Variants in TMEM62 observed in about 807,000 individuals in gnomAD.
TMEM62 encodes transmembrane protein 62.
In TMEM62, 41 loss-of-function variants were observed where a neutral mutation model predicts 70.4. The ratio of observed to expected loss-of-function variants is 0.58; its 90% CI spans 0.45 to 0.76. The LOEUF is 0.76. Ranked by LOEUF, TMEM62 falls within the 30% of genes least tolerant of loss-of-function variation. TMEM62 has a pLI of 0.00. For synonymous variants in TMEM62, 268 were observed against 291.0 expected, an observed-to-expected ratio of 0.92 and a Z score of 0.80; for missense variants, 688 against 788.5, an observed-to-expected ratio of 0.87 and a Z score of 1.53.
chr15:43,136,647 G>T (rs2035264325), intron 3 of TMEM62, among the ~76,000 whole-genome samples: 1 of 151,720 alleles, frequency 6.6e-6, no homozygotes, highest in Non-Finnish European at 1.5e-5. Context: ...GAAGAGGTGG[G>T]GTTTCACCAC....
intron 5 of TMEM62, 106 bp from the exon 6 acceptor site, chr15:43,148,649 A>C (rs529795776): frequency 7.4e-7 from 1 of 1,359,300 alleles, no homozygotes; most frequent in African/African-American, 1.5e-5. Flanking sequence ...AGGCCTAGAC[A>C]CATATAATAA....
rs1223005274 is a variant in TMEM62, at chr15:43,141,835, GT to G, written c.476+3218del. Among the ~76,000 whole-genome samples the G allele has an allele frequency of 9.5e-4, 145 of 152,310 alleles. 1 individual carries two copies. Among genetic ancestry groups the G allele is most frequent in the Non-Finnish European group, 1.9e-4 (13 of 68,014 alleles). On this transcript the variant is annotated intron_variant, in intron 4 of 13. Coordinates refer to ENST00000260403, the MANE Select transcript of TMEM62 (RefSeq NM_024956.4). ...CAACCCTCATGGATGACTTTGAGGG[GT>G]TCAAGACTTCAGTGGAGGAAGAACT...
Position 43,162,109 on chromosome 15 carries a change from A to G in TMEM62, c.1296+1315A>G, listed in dbSNP as rs539557972. Among the ~76,000 whole-genome samples, 9 of 151,984 alleles carry G rather than the reference A, an allele frequency of 5.9e-5. No individual in the cohort carries two copies. The South Asian group carries it at 1.3e-3, about 21-fold the overall frequency. ...TATATTATAACATATTAGCTGCATT[A>G]TATTGCCATAGATATGCCTTAATTT... On this transcript the variant is annotated intron_variant, in intron 10 of 13. Coordinates refer to ENST00000260403, the MANE Select transcript of TMEM62 (RefSeq NM_024956.4).
Position 43,181,508 on chromosome 15 carries a change from AT to A in TMEM62, c.1605+218del, listed in dbSNP as rs544665067. ...ACTCTCATGTAAACATCTAAAATAC[AT>A]TTTTTTTTCCCCAAGACAGTGTTCT... On this transcript the variant is annotated intron_variant, in intron 13 of 13. Transcript: ENST00000260403. Among the ~76,000 whole-genome samples, 497 of 151,694 alleles carry A rather than the reference AT, an allele frequency of 3.3e-3. 1 individual carries two copies. The highest frequency in any genetic ancestry group is 4.3e-3 in the Non-Finnish European group (294 of 67,868).
At chr15:43,165,771 AT>A (rs1235390792) in intron 10 of TMEM62, among the ~76,000 whole-genome samples, 1 of 151,756 alleles carries the variant, frequency 6.6e-6, no homozygotes, top group Non-Finnish European at 1.5e-5. Flanking sequence ...AAATAAATAA[AT>A]AAATAAATAA....
chr15:43,163,790 A>AC (rs11406648), intron 10 of TMEM62, among the ~76,000 whole-genome samples: 2 of 151,246 alleles, frequency 1.3e-5, no homozygotes, highest in African/African-American at 2.4e-5. Context: ...TCAAAAAAAA[A>AC]ACAAAAAACA....
intron 11 of TMEM62, among the ~76,000 whole-genome samples, chr15:43,175,892 C>T (rs551706971): frequency 5.3e-5 from 8 of 152,280 alleles, no homozygotes; most frequent in East Asian, 1.9e-4. Context: ...TTGCCTCACT[C>T]GGGAAGCGCA....
At chr15:43,158,248 T>A (rs1465643409) in intron 9 of TMEM62, among the ~76,000 whole-genome samples, 2 of 152,220 alleles carry the variant, frequency 1.3e-5, no homozygotes, top group African/African-American at 4.8e-5. Context: ...TAATATTTGG[T>A]TGTCTCTCTT....
chr15:43,142,684 T>C (rs1255607527), intron 4 of TMEM62, among the ~76,000 whole-genome samples: 3 of 151,846 alleles, frequency 2.0e-5, no homozygotes, highest in Non-Finnish European at 2.9e-5. Context: ...TTTGGTTTTT[T>C]TTTTGAGACA....
intron 4 of TMEM62, among the ~76,000 whole-genome samples, chr15:43,140,134 C>A (rs1212661388): frequency 6.6e-6 from 1 of 152,186 alleles, no homozygotes; most frequent in South Asian, 2.1e-4. Flanking sequence ...CTCTCCCCAC[C>A]CTTGCAGTCT....
chr15:43,149,179 C>T lies in TMEM62; in HGVS notation c.866+28C>T, dbSNP rs769116016. 24 of 1,608,130 alleles carry T rather than the reference C, an allele frequency of 1.5e-5. No homozygotes were observed. In the East Asian group the frequency reaches 4.7e-4, roughly 31 times the overall value. ...AAGGGAACCTCCCCATAGAAGAAAACTTATACACATAAGTTTTGCCAAAGC... is the reference window on the plus strand; with the variant it reads ...AAGGGAACCTCCCCATAGAAGAAAATTTATACACATAAGTTTTGCCAAAGC... On this transcript the variant is annotated intron_variant, in intron 7 of 13. Coordinates refer to ENST00000260403, the MANE Select transcript of TMEM62 (RefSeq NM_024956.4).
rs1049261841 is a variant in TMEM62, at chr15:43,169,597, G to A, written c.1301G>A (p.Arg434Gln). 1.3e-5 allele frequency: 21 copies of A among 1,613,572 alleles called. No homozygotes were observed. The highest frequency in any genetic ancestry group is 2.2e-5 in the East Asian group (1 of 44,876). Residue 434 changes from arginine (R) to glutamine (Q), a missense_variant, in exon 11 of 14, where the codon CGG (arginine) becomes CAG (glutamine). Physicochemically the swap from Arg to Gln is conservative, Grantham distance 43. Transcript: ENST00000260403. ...TTAACATCTATTTCCCTGCAGGCCCGGGTCCTTTTTGTGCTGATTGTGCTG... is the reference window on the plus strand; with the variant it reads ...TTAACATCTATTTCCCTGCAGGCCCAGGTCCTTTTTGTGCTGATTGTGCTG... ...ILRTDHYIMA[R>Q]VLFVLIVLSQ...
Position 43,154,719 on chromosome 15 carries a change from T to C in TMEM62, c.1070T>C (p.Ile357Thr), listed in dbSNP as rs1009785221. ...TCCATTACTTCTGTCACAGTTAAGATTGATGGAGTTCATTTAGGCCAGGCT... is the reference window on the plus strand; with the variant it reads ...TCCATTACTTCTGTCACAGTTAAGACTGATGGAGTTCATTTAGGCCAGGCT... ...LSSITSVTVK[I>T]DGVHLGQAVH... The change falls in exon 9 of 14, where the codon ATT becomes ACT. Residue 357 changes from isoleucine (I) to threonine (T), a missense_variant. By Grantham distance (89) the Ile-to-Thr change is moderately conservative. Coordinates refer to ENST00000260403, the MANE Select transcript of TMEM62 (RefSeq NM_024956.4). 5.6e-6 allele frequency: 9 copies of C among 1,613,780 alleles called. No homozygotes were observed. Among genetic ancestry groups the C allele is most frequent in the African/African-American group, 2.7e-5 (2 of 74,914 alleles).
At chr15:43,133,430 G>A (rs879638530), upstream of TMEM62, 45 of 206,864 alleles carry the variant, frequency 2.2e-4, no homozygotes, top group Middle Eastern at 1.7e-3. Context: ...CTGAGGTCAG[G>A]AGTGACTGAC....
chr15:43,168,960 A>T (rs1333836595), intron 10 of TMEM62: 1 of 152,320 alleles, frequency 6.6e-6, no homozygotes, highest in Non-Finnish European at 1.5e-5. Context: ...GGGTGCTGGC[A>T]GAATTCTGCC....
At chr15:43,166,379 C>G (rs2039415667) in intron 10 of TMEM62, among the ~76,000 whole-genome samples, 1 of 152,124 alleles carries the variant, frequency 6.6e-6, no homozygotes, top group South Asian at 2.1e-4. Flanking sequence ...AATCATACAG[C>G]AAACACCTAT....
At chr15:43,178,145 A>G (rs539250913) in intron 11 of TMEM62, among the ~76,000 whole-genome samples, 54 of 152,214 alleles carry the variant, frequency 3.5e-4, no homozygotes, top group Admixed American at 3.4e-3. Context: ...TGAAGTTTGT[A>G]CATTTGGACA....
intron 11 of TMEM62, among the ~76,000 whole-genome samples, chr15:43,171,541 A>T (rs1037804835): frequency 5.3e-5 from 8 of 150,774 alleles, no homozygotes; most frequent in East Asian, 1.9e-4. Context: ...ATTACTTAAA[A>T]TTTTTTTATT....
At chr15:43,167,887 C>A (rs1366365800) in intron 10 of TMEM62, among the ~76,000 whole-genome samples, 1 of 152,074 alleles carries the variant, frequency 6.6e-6, no homozygotes, top group African/African-American at 2.4e-5. Flanking sequence ...CTCGGGAGGC[C>A]GAGGCTGGCG....
Sources: allele counts gnomAD v4.1 joint callset (sites outside exome capture counted in the v4.1 genomes callset), GRCh38; gene constraint gnomAD v4.1.1; transcripts MANE v1.5; gene names NCBI Gene and HGNC (gene_info 2026-07-23, HGNC 2026-07-21).